EPHA6: variants seen among roughly 807,000 people sequenced by gnomAD.
The protein encoded by EPHA6 is EPH receptor A6.
EPHA6 carries 50 observed loss-of-function variants against 112.0 expected under a neutral mutation model. The ratio of observed to expected loss-of-function variants is 0.45; its 90% confidence interval spans 0.36 to 0.56. EPHA6 has a LOEUF of 0.56. Among genes scored for constraint, EPHA6 ranks in the 20% least tolerant of loss-of-function variants. The probability of loss-of-function intolerance (pLI) is 0.00; values close to 1 mark genes in which losing one functional copy is unlikely to be tolerated. For missense variants in EPHA6, 1,280 were observed against 1,417.4 expected, an observed-to-expected ratio of 0.90 and a Z score of 1.56; for synonymous variants, 529 against 490.7, an observed-to-expected ratio of 1.08 and a Z score of -1.03.
chr3:97,086,506 AATT>A (rs1211394228), intron 3 of EPHA6, among the ~76,000 whole-genome samples: 4 of 152,110 alleles, frequency 2.6e-5, no homozygotes, highest in African/African-American at 7.2e-5. Flanking sequence ...ACAATATTAA[AATT>A]ATTATTTTCC....
chr3:97,403,167 T>C (rs2087103717), intron 5 of EPHA6, among the ~76,000 whole-genome samples: 1 of 152,106 alleles, frequency 6.6e-6, no homozygotes, highest in Non-Finnish European at 1.5e-5. Flanking sequence ...TAACTTTATA[T>C]ATATATGAAA....
intron 3 of EPHA6, among the ~76,000 whole-genome samples, chr3:97,139,867 TA>T (rs1347477600): frequency 6.6e-6 from 1 of 151,926 alleles, no homozygotes; most frequent in Non-Finnish European, 1.5e-5. Flanking sequence ...GAATTCCAAA[TA>T]TGAATTGTAA....
At chr3:96,872,196 A>T (rs1219641900) in intron 2 of EPHA6, among the ~76,000 whole-genome samples, 1 of 152,080 alleles carries the variant, frequency 6.6e-6, no homozygotes, top group Non-Finnish European at 1.5e-5. Context: ...TTTCTCTTAT[A>T]ATCATTTGCA....
intron 3 of EPHA6, among the ~76,000 whole-genome samples, chr3:97,050,210 C>G (rs569382434): frequency 6.6e-6 from 1 of 152,126 alleles, no homozygotes; most frequent in African/African-American, 2.4e-5. Context: ...GGTGGGAACC[C>G]TCCAAAAAAG....
At chr3:97,086,079 C>T (rs560616205) in intron 3 of EPHA6, among the ~76,000 whole-genome samples, 1 of 151,496 alleles carries the variant, frequency 6.6e-6, no homozygotes, top group Non-Finnish European at 1.5e-5. Flanking sequence ...GGATTACCCA[C>T]CCCGGCCACT....
intron 2 of EPHA6, among the ~76,000 whole-genome samples, chr3:96,937,645 T>C (rs192718525): frequency 6.6e-5 from 10 of 152,260 alleles, no homozygotes; most frequent in Admixed American, 1.3e-4. Flanking sequence ...ACTTTTGTTG[T>C]CATTGCTTGT....
intron 10 of EPHA6, among the ~76,000 whole-genome samples, chr3:97,484,998 A>T (rs1031956332): frequency 6.6e-6 from 1 of 152,266 alleles, no homozygotes; most frequent in Admixed American, 6.5e-5. Context: ...AATTGCCGAC[A>T]GCTGCCATGC....
At chr3:97,380,422 CAATATAGTGCACACAAGATGA>C (rs2085657707) in intron 5 of EPHA6, among the ~76,000 whole-genome samples, 1 of 152,020 alleles carries the variant, frequency 6.6e-6, no homozygotes, top group Non-Finnish European at 1.5e-5. Context: ...CCTATGTGTA[CAATATAGTGCACACAAGATGA>C]GGAATTCACA....
intron 3 of EPHA6, among the ~76,000 whole-genome samples, chr3:97,213,093 A>G (rs548643934): frequency 1.3e-5 from 2 of 152,308 alleles, no homozygotes; most frequent in South Asian, 4.1e-4. Context: ...AGTAAGCCCA[A>G]GAGTTCATAA....
intron 7 of EPHA6, among the ~76,000 whole-genome samples, chr3:97,473,436 C>T (rs2091283317): frequency 6.6e-6 from 1 of 151,696 alleles, no homozygotes. Context: ...TGTAAAACAA[C>T]ACCATTTTTT....
Position 97,316,869 on chromosome 3 carries a change from G to C in EPHA6, c.1606+72582G>C, listed in dbSNP as rs182929427. On this transcript the variant is annotated intron_variant, in intron 5 of 17. Transcript: ENST00000389672. ...AACAGTTTCTTACTGGATTCCAAAA[G>C]TCAAGAAGAGCCCAGATGTTGTTAA... Among the ~76,000 whole-genome samples the C allele has an allele frequency of 2.6e-4, 40 of 151,956 alleles. 1 individual carries two copies. The highest frequency in any genetic ancestry group is 2.1e-3 in the Admixed American group (32 of 15,210).
chr3:97,471,849 G>A (rs57788181), intron 7 of EPHA6, among the ~76,000 whole-genome samples: 39,779 of 151,566 alleles, frequency 0.26, 9,495 homozygotes, highest in African/African-American at 0.63. Context: ...GAAACAAATT[G>A]TCACTAAGTC....
At chr3:96,971,435 C>A (rs889240758) in intron 2 of EPHA6, among the ~76,000 whole-genome samples, 2 of 152,064 alleles carry the variant, frequency 1.3e-5, no homozygotes, top group Non-Finnish European at 2.9e-5. Context: ...ATGCATTTTG[C>A]TTCTTGTTTT....
chr3:97,137,308 C>G (rs571146564), intron 3 of EPHA6, among the ~76,000 whole-genome samples: 1 of 152,122 alleles, frequency 6.6e-6, no homozygotes, highest in Non-Finnish European at 1.5e-5. Context: ...TTGTACTCCT[C>G]CTGCCCCAGA....
chr3:97,175,503 A>G (rs190284415), intron 3 of EPHA6, among the ~76,000 whole-genome samples: 3 of 152,078 alleles, frequency 2.0e-5, no homozygotes, highest in Admixed American at 1.3e-4. Context: ...TTTTAACAAT[A>G]TTGATTCTTC....
At chr3:97,671,195 T>C (rs2030781566) in intron 14 of EPHA6, among the ~76,000 whole-genome samples, 1 of 152,206 alleles carries the variant, frequency 6.6e-6, no homozygotes, top group Admixed American at 6.5e-5. Context: ...TAGCTCCCTG[T>C]GAGCATAAAT....
At chr3:97,647,381 G>A (rs1016828874) in intron 14 of EPHA6, among the ~76,000 whole-genome samples, 1 of 151,990 alleles carries the variant, frequency 6.6e-6, no homozygotes, top group Non-Finnish European at 1.5e-5. Flanking sequence ...AGGTTTTTCT[G>A]GTATAGTATG....
intron 1 of EPHA6, among the ~76,000 whole-genome samples, chr3:96,843,789 C>G (rs551597366): frequency 6.6e-6 from 1 of 151,816 alleles, no homozygotes; most frequent in Non-Finnish European, 1.5e-5. Context: ...TTATATGACG[C>G]CTTAAAGAAA....
chr3:96,952,017 T>C (rs917433980), intron 2 of EPHA6, among the ~76,000 whole-genome samples: 1 of 152,038 alleles, frequency 6.6e-6, no homozygotes, highest in Non-Finnish European at 1.5e-5. Context: ...ACAGACTAGG[T>C]GGGTATACTT....
Sources: allele counts gnomAD v4.1 joint callset (sites outside exome capture counted in the v4.1 genomes callset), GRCh38; gene constraint gnomAD v4.1.1; transcripts MANE v1.5; gene names NCBI Gene and HGNC (gene_info 2026-07-23, HGNC 2026-07-21).